SMURF1: variants seen among roughly 807,000 people sequenced by gnomAD.
SMURF1 encodes SMAD specific E3 ubiquitin protein ligase 1.
SMURF1 carries 44 observed loss-of-function variants against 98.0 expected under a neutral mutation model. That is an observed-to-expected ratio of 0.45 (90% CI 0.35 to 0.58). The LOEUF is 0.58. Among genes scored for constraint, SMURF1 ranks in the 20% least tolerant of loss-of-function variants. The pLI, the probability that SMURF1 is intolerant of heterozygous loss-of-function variation, is 0.00. For synonymous variants in SMURF1, 396 were observed against 374.9 expected, an observed-to-expected ratio of 1.06 and a Z score of -0.65; for missense variants, 687 against 938.4, an observed-to-expected ratio of 0.73 and a Z score of 3.50.
intron 17 of SMURF1, among the ~76,000 whole-genome samples, chr7:99,031,958 A>G (rs1036496670): frequency 1.3e-5 from 2 of 152,202 alleles, no homozygotes; most frequent in Non-Finnish European, 2.9e-5. Context: ...TACAGGAAAT[A>G]ATCTACTATG....
chr7:99,063,229 TATAA>T (rs1796079718), intron 1 of SMURF1, among the ~76,000 whole-genome samples: 2 of 116,794 alleles, frequency 1.7e-5, no homozygotes, highest in South Asian at 2.7e-4. Context: ...TATATATATA[TATAA>T]GATTTATTTA....
chr7:99,074,589 C>T (rs775951555), intron 1 of SMURF1, among the ~76,000 whole-genome samples: 9 of 151,926 alleles, frequency 5.9e-5, no homozygotes, highest in African/African-American at 9.7e-5. Context: ...AATACAATAA[C>T]GTAAAAACTA....
At chr7:99,091,535 G>C (rs1194780383) in intron 1 of SMURF1, among the ~76,000 whole-genome samples, 1 of 152,264 alleles carries the variant, frequency 6.6e-6, no homozygotes, top group Middle Eastern at 3.4e-3. Context: ...GGGAAGGTGT[G>C]GACAGCTAGA....
chr7:99,124,277 C>T (rs1797700970), intron 1 of SMURF1, among the ~76,000 whole-genome samples: 1 of 152,182 alleles, frequency 6.6e-6, no homozygotes, highest in African/African-American at 2.4e-5. Flanking sequence ...CAGTCTTAAA[C>T]CCACACTCCA....
intron 11 of SMURF1, among the ~76,000 whole-genome samples, chr7:99,043,464 C>T (rs780586233): frequency 3.9e-4 from 59 of 152,114 alleles, no homozygotes; most frequent in Non-Finnish European, 7.6e-4. Context: ...CAACTCTTTC[C>T]ACTACAGCAT....
intron 1 of SMURF1, among the ~76,000 whole-genome samples, chr7:99,080,884 T>C (rs1796564685): frequency 6.6e-6 from 1 of 152,126 alleles, no homozygotes; most frequent in South Asian, 2.1e-4. Context: ...GACTGGAGTC[T>C]CTCTAGCAAA....
At chr7:99,055,157 A>G (rs552454276) in intron 5 of SMURF1, among the ~76,000 whole-genome samples, 1 of 152,230 alleles carries the variant, frequency 6.6e-6, no homozygotes, top group Admixed American at 6.5e-5. Context: ...ATTTTCAAGA[A>G]GATTTATTTT....
chr7:99,136,460 G>GT (rs138475843), intron 1 of SMURF1, among the ~76,000 whole-genome samples: 6,712 of 152,178 alleles, frequency 0.044, 179 homozygotes, highest in Middle Eastern at 0.068. Context: ...TCCAGCTAAA[G>GT]TTTTTTATTG....
In SMURF1 at chr7:99,049,893, C is replaced by T. The variant is rs562101958; in HGVS notation, c.807-184G>A. The stretch of plus-strand genomic sequence containing the variant: ...TCAGTCCAGGCCTCTCTGCTGCAAA[C>T]AGCAGCAACATCCGAGAGATTTAAA... On this transcript the variant is annotated intron_variant, in intron 8 of 17. Transcript: ENST00000361368. 4.8e-4 allele frequency: 237 copies of T among 498,788 alleles called. 6 individuals carry two copies. The South Asian group carries it at 9.8e-3, about 21-fold the overall frequency. 30.9% of individuals were successfully genotyped at this position (498,788 alleles called of 1,614,324 possible). A position where few individuals can be genotyped will look rare whatever the true frequency, so the allele number is the denominator to read the frequency against.
rs549398476 is a variant in SMURF1, at chr7:99,074,721, C to A, written c.56-12884G>T. Among the ~76,000 whole-genome samples the A allele has an allele frequency of 4.4e-3, 669 of 151,580 alleles. 5 individuals carry two copies. Among genetic ancestry groups the A allele is most frequent in the Non-Finnish European group, 6.9e-3 (466 of 67,878 alleles). ...TCTACAACTCAATTTAAAAAAAAAACCCAATCCAATTAAAAAATTGATATT... is the reference window on the plus strand; with the variant it reads ...TCTACAACTCAATTTAAAAAAAAAAACCAATCCAATTAAAAAATTGATATT... On this transcript the variant is annotated intron_variant, in intron 1 of 17. Transcript: ENST00000361368.
At chr7:99,038,595 A>T (rs1218779509) in intron 13 of SMURF1, 70 bp from the exon 14 acceptor site, 6 of 1,557,012 alleles carry the variant, frequency 3.9e-6, no homozygotes, top group Middle Eastern at 1.7e-4. Context: ...GTAGACAGAA[A>T]ACATTTACGA....
intron 5 of SMURF1, among the ~76,000 whole-genome samples, chr7:99,056,718 G>A (rs1795883831): frequency 2.0e-5 from 3 of 152,060 alleles, no homozygotes; most frequent in African/African-American, 4.8e-5. Context: ...GCCAAGAGAA[G>A]GGGGCCGGGC....
chr7:99,053,063 A>G (rs1358916114), intron 6 of SMURF1, among the ~76,000 whole-genome samples: 2 of 152,212 alleles, frequency 1.3e-5, no homozygotes, highest in South Asian at 2.1e-4. Context: ...TCTTTAAAAT[A>G]AAATAAAATC....
chr7:99,032,858 T>C (rs927322497), intron 17 of SMURF1, 179 bp downstream of exon 17: 8 of 865,416 alleles, frequency 9.2e-6, no homozygotes, highest in Admixed American at 2.3e-5. Context: ...GCTTCAGAAT[T>C]GTCATTCAAC....
chr7:99,065,737 T>C (rs1796172267), intron 1 of SMURF1, among the ~76,000 whole-genome samples: 1 of 152,124 alleles, frequency 6.6e-6, no homozygotes, highest in South Asian at 2.1e-4. Flanking sequence ...TTCAGAGACC[T>C]TACCAGCCCC....
chr7:99,080,101 A>G (rs984710869), intron 1 of SMURF1, among the ~76,000 whole-genome samples: 4 of 152,200 alleles, frequency 2.6e-5, no homozygotes, highest in African/African-American at 7.2e-5. Context: ...CACAAGGAAC[A>G]ATTTTATAAA....
At chr7:99,095,810 T>C (rs1796945350) in intron 1 of SMURF1, among the ~76,000 whole-genome samples, 1 of 152,188 alleles carries the variant, frequency 6.6e-6, no homozygotes. Flanking sequence ...CAAAGTACCA[T>C]CTGCTCAGTG....
chr7:99,072,682 G>A (rs1796355503), intron 1 of SMURF1, among the ~76,000 whole-genome samples: 2 of 152,002 alleles, frequency 1.3e-5, no homozygotes, highest in African/African-American at 4.8e-5. Context: ...TGAGGATGAA[G>A]TTTAGCAAGG....
At chr7:99,041,710 A>G (rs1368440284) in intron 12 of SMURF1, among the ~76,000 whole-genome samples, 1 of 152,242 alleles carries the variant, frequency 6.6e-6, no homozygotes, top group Non-Finnish European at 1.5e-5. Flanking sequence ...TAAAACCAGC[A>G]CGCTAAGGGT....
Sources: allele counts gnomAD v4.1 joint callset (sites outside exome capture counted in the v4.1 genomes callset), GRCh38; gene constraint gnomAD v4.1.1; transcripts MANE v1.5; gene names NCBI Gene and HGNC (gene_info 2026-07-23, HGNC 2026-07-21).